RASAL1: variants seen among roughly 807,000 people sequenced by gnomAD.
RASAL1 encodes the protein rasGAP-activating-like protein 1.
A neutral mutation model predicts 96.6 loss-of-function variants in RASAL1; 72 were observed. That is an observed-to-expected ratio of 0.75 (90% CI 0.62 to 0.91). The LOEUF (loss-of-function observed/expected upper bound fraction) is 0.91, where lower values mean the gene tolerates loss of function less well. Ranked by LOEUF, RASAL1 falls within the 40% of genes least tolerant of loss-of-function variation. The pLI, the probability that RASAL1 is intolerant of heterozygous loss-of-function variation, is 0.00. For missense variants in RASAL1, 1,016 were observed against 1,072.5 expected (o/e 0.95, Z 0.74); for synonymous variants, 405 against 430.4 (o/e 0.94, Z 0.73).
At chr12:113,118,235 TA>T (rs1006211455) in intron 7 of RASAL1, among the ~76,000 whole-genome samples, 1 of 151,680 alleles carries the variant, frequency 6.6e-6, no homozygotes, top group East Asian at 1.9e-4. Context: ...AAAATAAAAA[TA>T]AAAAAAATAA....
At chr12:113,114,534 G>T (rs1315825226) in intron 12 of RASAL1, among the ~76,000 whole-genome samples, 2 of 151,922 alleles carry the variant, frequency 1.3e-5, no homozygotes, top group African/African-American at 2.4e-5. Flanking sequence ...CTGAGGAACA[G>T]AAGTTTTGGC....
chr12:113,130,390 C>T lies in RASAL1; in HGVS notation c.122+495G>A, dbSNP rs544428972. On this transcript the variant is annotated intron_variant, in intron 2 of 20. Coordinates refer to ENST00000548055, the MANE Select transcript of RASAL1 (RefSeq NM_001301202.2). The surrounding 1 kb of genome is among the most constrained non-coding windows in gnomAD (Gnocchi z 5.1). ...CATGCACCCTACACTGGTACACACA[C>T]GTGAGCCTGTGCCCTGCACAGCCAC... 3.3e-5 allele frequency among the ~76,000 whole-genome samples: 5 copies of T among 152,348 alleles called. No individual in the cohort carries two copies. The highest frequency in any genetic ancestry group is 2.0e-4 in the Admixed American group (3 of 15,314).
chr12:113,102,028 A>G lies in RASAL1; in HGVS notation c.2105-19T>C, dbSNP rs1479604548. ...CCGGCGGCTGAGGGAACACAGCTTC[A>G]TTCATCAGTAACTCCCTCTCCCCTT... On this transcript the variant is annotated intron_variant, in intron 18 of 20. Coordinates refer to ENST00000548055, the MANE Select transcript of RASAL1 (RefSeq NM_001301202.2). 1.2e-6 allele frequency: 2 copies of G among 1,608,864 alleles called. No individual in the cohort carries two copies. The highest frequency in any genetic ancestry group is 8.5e-7 in the Non-Finnish European group (1 of 1,177,306).
In RASAL1 at chr12:113,135,679, C is replaced by T; in HGVS notation, c.-217G>A. 2.1e-6 allele frequency: 1 copy of T among 478,104 alleles called. No homozygotes were observed. 29.6% of individuals were successfully genotyped at this position (478,104 alleles called of 1,614,324 possible). The stretch of plus-strand genomic sequence containing the variant: ...CCCGTCCGGACTCTACAGGTAGGAG[C>T]CGTGCTCCGAGCAGGAGGAGCGCGC... On this transcript the variant is annotated 5_prime_UTR_variant, in exon 1 of 21. Coordinates refer to ENST00000548055, the MANE Select transcript of RASAL1 (RefSeq NM_001301202.2). The surrounding 1 kb of genome is among the most constrained non-coding windows in gnomAD (Gnocchi z 5.7).
Position 113,127,423 on chromosome 12 carries a change from A to G in RASAL1, c.298+389T>C, listed in dbSNP as rs548675205. Among the ~76,000 whole-genome samples the G allele has an allele frequency of 1.6e-4, 24 of 152,230 alleles. No individual in the cohort carries two copies. In the South Asian group the frequency reaches 5.0e-3, roughly 32 times the overall value. ...CACTTTGGGAGGCCAAGGTGGGAGG[A>G]TTGCTTGAGCCCAGGAGTTTGAGAC... On this transcript the variant is annotated intron_variant, in intron 4 of 20. Transcript: ENST00000548055.
Position 113,130,899 on chromosome 12 carries a change from G to T in RASAL1, c.108C>A (p.Asp36Glu). ...SDPYCLVKVD[D>E]EVVARTATVW... ...CCACCCCTCACCTGGCCACCACCTC[G>T]TCGTCCACTTTCACTAGGCAGTAGG... Residue 36 changes from aspartate to glutamate, a missense_variant, in exon 2 of 21, where the codon GAC becomes GAA. By Grantham distance (45) the Asp-to-Glu change is conservative (BLOSUM62 2). Coordinates refer to ENST00000548055, the MANE Select transcript of RASAL1 (RefSeq NM_001301202.2). The surrounding 1 kb of genome is among the most constrained non-coding windows in gnomAD (Gnocchi z 5.1). The T allele has an allele frequency of 6.2e-7, 1 of 1,613,286 alleles. No homozygotes were observed. The highest frequency in any genetic ancestry group is 8.5e-7 in the Non-Finnish European group (1 of 1,179,676).
chr12:113,132,032 C>T (rs942625411), intron 1 of RASAL1, among the ~76,000 whole-genome samples: 3 of 144,928 alleles, frequency 2.1e-5, no homozygotes, highest in Admixed American at 7.2e-5. Flanking sequence ...AGTGCAGTGG[C>T]GCGATCTTGG....
chr12:113,102,580 C>T (rs1003503661), intron 18 of RASAL1, among the ~76,000 whole-genome samples: 8 of 152,132 alleles, frequency 5.3e-5, no homozygotes, highest in African/African-American at 1.7e-4. Flanking sequence ...AAATATTAGC[C>T]TCACATGGTG....
chr12:113,125,415 C>A (rs964871692), intron 4 of RASAL1, among the ~76,000 whole-genome samples: 6 of 152,030 alleles, frequency 3.9e-5, no homozygotes, highest in African/African-American at 1.5e-4. Flanking sequence ...AAAAGGCAAA[C>A]AACCTAGTGG....
rs1402726868 is a variant in RASAL1, at chr12:113,119,198, C to T, written c.572G>A (p.Gly191Asp). 1.2e-6 allele frequency: 2 copies of T among 1,613,986 alleles called. No homozygotes were observed. The highest frequency in any genetic ancestry group is 1.7e-5 in the Admixed American group (1 of 59,990). ...DEVLELREMP[G>D]APSPLRVELW... ...CTCCACCCGCAGTGGGGACGGGGCA[C>T]CTGGCATCTCCCGCAGCTCCAGCAC... The change falls in exon 7 of 21, where the codon GGT becomes GAT. Residue 191 changes from glycine to aspartate, a missense_variant. Gly to Asp is a moderately conservative substitution (Grantham distance 94). Transcript: ENST00000548055.
At chr12:113,102,763 C>T (rs1414728330) in intron 18 of RASAL1, among the ~76,000 whole-genome samples, 1 of 152,122 alleles carries the variant, frequency 6.6e-6, no homozygotes, top group African/African-American at 2.4e-5. Context: ...AATCTTACAT[C>T]CTCCACTCTC....
chr12:113,119,591 A>G, intron 5 of RASAL1, 148 bp from the exon 6 acceptor site: 1 of 751,226 alleles, frequency 1.3e-6, no homozygotes, highest in Non-Finnish European at 2.2e-6. Context: ...ACCCCTAACC[A>G]TGACCGTCCA....
At chr12:113,103,422 A>G (rs1281918862) in intron 18 of RASAL1, among the ~76,000 whole-genome samples, 2 of 152,104 alleles carry the variant, frequency 1.3e-5, no homozygotes, top group Admixed American at 6.5e-5. Flanking sequence ...CCTGACCAAC[A>G]TGGGGAAACC....
chr12:113,105,680 C>G (rs1170520372), intron 16 of RASAL1, 34 bp downstream of exon 16: 5 of 1,551,828 alleles, frequency 3.2e-6, no homozygotes, highest in African/African-American at 1.4e-5. Context: ...AAGGCCACCC[C>G]TGGAAAGCCC....
rs2305911 is a variant in RASAL1 at position 113,130,772 on chromosome 12, C to T, written c.122+113G>A. 1.4e-4 allele frequency: 121 copies of T among 843,102 alleles called. No homozygotes were observed. Among genetic ancestry groups the T allele is most frequent in the East Asian group, 3.0e-4 (11 of 36,776 alleles). 52.2% of individuals were successfully genotyped at this position (843,102 alleles called of 1,614,324 possible). On this transcript the variant is annotated intron_variant, in intron 2 of 20. Transcript: ENST00000548055. The surrounding 1 kb of genome is among the most constrained non-coding windows in gnomAD (Gnocchi z 5.1). ...CACAAATCACCCACCTGCAGGCCCG[C>T]GAGTCCCCCTCAGGGTAAGCACTCC...
intron 4 of RASAL1, 94 bp downstream of exon 4, chr12:113,127,718 A>G (rs932877912): frequency 1.4e-5 from 14 of 1,019,534 alleles, no homozygotes; most frequent in Non-Finnish European, 1.9e-5. Flanking sequence ...TTTCCACTGA[A>G]GGCTCTGTGC....
chr12:113,135,388 G>T lies in RASAL1; in HGVS notation c.65+10C>A. 6.2e-7 allele frequency: 1 copy of T among 1,606,442 alleles called. No individual in the cohort carries two copies. Among genetic ancestry groups the T allele is most frequent in the East Asian group, 2.3e-5 (1 of 44,402 alleles). ...CGCCCCTCACCCAGAAGCGCCCGAG[G>T]AGTACTCACACGTCCTTGGCAGGCA... On this transcript the variant is annotated intron_variant, in intron 1 of 20. Coordinates refer to ENST00000548055, the MANE Select transcript of RASAL1 (RefSeq NM_001301202.2). The surrounding 1 kb of genome is among the most constrained non-coding windows in gnomAD (Gnocchi z 5.7).
rs751616498 is a variant in RASAL1 at position 113,115,244 on chromosome 12, G to A, written c.1024C>T (p.Arg342Cys). Reference sequence around the variant, plus strand: ...GACTTGGATGCCAGGGAGTTAGAACGGAAGAGGGTGTTGGGGTCCACTGGG... The same window carrying A: ...GACTTGGATGCCAGGGAGTTAGAACAGAAGAGGGTGTTGGGGTCCACTGGG... ...ARTMDPNTLFRSNSLASKSME... is the reference protein window; with the variant it reads ...ARTMDPNTLFCSNSLASKSME... The change falls in exon 11 of 21, where the codon CGT (arginine) becomes TGT (cysteine). Residue 342 changes from arginine to cysteine, a missense_variant. Coordinates refer to ENST00000548055, the MANE Select transcript of RASAL1 (RefSeq NM_001301202.2). This position sits in a 1 kb window ranked among gnomAD's most constrained non-coding sequence, Gnocchi z 4.1. 8 of 1,613,788 alleles carry A rather than the reference G, an allele frequency of 5.0e-6. No individual in the cohort carries two copies. The highest frequency in any genetic ancestry group is 2.7e-5 in the African/African-American group (2 of 74,912).
At position 113,130,150 on chromosome 12, in the gene RASAL1, C is replaced by T. The variant is rs1566072216; in HGVS notation, c.122+735G>A. 6.6e-6 allele frequency among the ~76,000 whole-genome samples: 1 copy of T among 152,174 alleles called. No homozygotes were observed. Among genetic ancestry groups the T allele is most frequent in the South Asian group, 2.1e-4 (1 of 4,832 alleles). Reference sequence around the variant, plus strand: ...AGGCCTCAGCCACCCACCAGCCCACCCACCCCCATCAGGCCTCCAGGGGCT... The same window carrying T: ...AGGCCTCAGCCACCCACCAGCCCACTCACCCCCATCAGGCCTCCAGGGGCT... On this transcript the variant is annotated intron_variant, in intron 2 of 20. Coordinates refer to ENST00000548055, the MANE Select transcript of RASAL1 (RefSeq NM_001301202.2). This position sits in a 1 kb window ranked among gnomAD's most constrained non-coding sequence, Gnocchi z 5.1.
Sources: gnomAD v4.1 joint callset for allele counts (sites outside exome capture counted in the v4.1 genomes callset) on GRCh38, gnomAD v4.1.1 for gene constraint, Gnocchi (gnomAD v3.1) non-coding constraint, MANE v1.5 for transcripts, NCBI Gene and HGNC (gene_info 2026-07-23, HGNC 2026-07-21) for gene names.